Variants in SMOC1 observed in about 807,000 individuals in gnomAD.
The protein encoded by SMOC1 is SPARC-related modular calcium-binding protein 1.
SMOC1 carries 22 observed loss-of-function variants against 56.3 expected under a neutral mutation model. The ratio of observed to expected loss-of-function variants is 0.39; its 90% CI spans 0.28 to 0.56. The LOEUF (loss-of-function observed/expected upper bound fraction) is 0.56. Among genes scored for constraint, SMOC1 ranks in the 20% least tolerant of loss-of-function variants. The pLI, the probability that SMOC1 is intolerant of heterozygous loss-of-function variation, is 0.61. For missense variants in SMOC1, 509 were observed against 565.4 expected, an observed-to-expected ratio of 0.90 and a Z score of 1.01; for synonymous variants, 193 against 215.0, an observed-to-expected ratio of 0.90 and a Z score of 0.89.
At chr14:69,959,694 C>T (rs796082428) in intron 3 of SMOC1, among the ~76,000 whole-genome samples, 1 of 151,672 alleles carries the variant, frequency 6.6e-6, no homozygotes, top group South Asian at 2.1e-4. Context: ...TGCATGGATC[C>T]CTTGCATATA....
chr14:69,903,900 T>TA (rs55792587), intron 1 of SMOC1, among the ~76,000 whole-genome samples: 5,169 of 138,988 alleles, frequency 0.037, 306 homozygotes, highest in African/African-American at 0.13. Context: ...AATGATCAAT[T>TA]AAAAAAAAAA....
At chr14:69,954,854 A>C (rs1883130923) in intron 3 of SMOC1, among the ~76,000 whole-genome samples, 1 of 152,126 alleles carries the variant, frequency 6.6e-6, no homozygotes, top group Non-Finnish European at 1.5e-5. Flanking sequence ...CTTTGGTCTG[A>C]GGGGCTTCAG....
At chr14:69,915,066 C>T (rs1299055903) in intron 1 of SMOC1, among the ~76,000 whole-genome samples, 2 of 151,986 alleles carry the variant, frequency 1.3e-5, no homozygotes, top group African/African-American at 2.4e-5. Context: ...TGGGGTTTCA[C>T]CATGTTGGCC....
chr14:69,904,030 T>C (rs1874465628), intron 1 of SMOC1, among the ~76,000 whole-genome samples: 1 of 152,186 alleles, frequency 6.6e-6, no homozygotes, highest in East Asian at 1.9e-4. Flanking sequence ...CTTGCTGACC[T>C]TCCAGCTGAA....
intron 1 of SMOC1, among the ~76,000 whole-genome samples, chr14:69,892,385 G>C (rs1331062855): frequency 6.6e-6 from 1 of 152,182 alleles, no homozygotes; most frequent in East Asian, 1.9e-4. Context: ...AAGAAGATAT[G>C]CCAACTGGAA....
At chr14:69,995,149 T>C (rs1325940384) in intron 7 of SMOC1, among the ~76,000 whole-genome samples, 1 of 152,224 alleles carries the variant, frequency 6.6e-6, no homozygotes, top group Admixed American at 6.5e-5. Flanking sequence ...GAAATACCAC[T>C]CTGCATAATT....
chr14:69,882,965 C>T (rs8003374), intron 1 of SMOC1, among the ~76,000 whole-genome samples: 5,814 of 152,164 alleles, frequency 0.038, 142 homozygotes, highest in Non-Finnish European at 0.056. Flanking sequence ...GGAGATGATG[C>T]GAAGATCAAG....
chr14:69,991,598 C>T (rs1190587219), intron 5 of SMOC1, among the ~76,000 whole-genome samples: 1 of 152,186 alleles, frequency 6.6e-6, no homozygotes, highest in Non-Finnish European at 1.5e-5. Context: ...TGCAGAGGTT[C>T]TTGCTGTGCA....
chr14:69,916,493 C>T (rs567283101), intron 1 of SMOC1, among the ~76,000 whole-genome samples: 16 of 152,346 alleles, frequency 1.1e-4, no homozygotes, highest in Admixed American at 4.6e-4. Flanking sequence ...CATTTTACAG[C>T]GGCTTCCAGG....
In SMOC1 at chr14:69,884,295, G is replaced by GT. The variant is rs939372047; in HGVS notation, c.99+4524dup. Among the ~76,000 whole-genome samples the GT allele has an allele frequency of 5.9e-5, 9 of 151,784 alleles. 2 individuals carry two copies. The highest frequency in any genetic ancestry group is 2.0e-4 in the Admixed American group (3 of 15,272). ...CTTTTGCCCATTTTTTCATTGCATTGTTTTTTGTTTTTTTTGCTATTAAGT... is the reference window on the plus strand; with the variant it reads ...CTTTTGCCCATTTTTTCATTGCATTGTTTTTTTGTTTTTTTTGCTATTAAGT... On this transcript the variant is annotated intron_variant, in intron 1 of 11. Coordinates refer to ENST00000361956, the MANE Select transcript of SMOC1 (RefSeq NM_001034852.3).
At chr14:69,964,850 G>A (rs1198106922) in intron 3 of SMOC1, among the ~76,000 whole-genome samples, 1 of 152,048 alleles carries the variant, frequency 6.6e-6, no homozygotes, top group Non-Finnish European at 1.5e-5. Flanking sequence ...CTTGCCCAGG[G>A]TCTCACAGTG....
chr14:70,014,012 G>C (rs2139594321), intron 10 of SMOC1, among the ~76,000 whole-genome samples: 1 of 152,346 alleles, frequency 6.6e-6, no homozygotes, highest in Non-Finnish European at 1.5e-5. Context: ...AGCTGAGGCA[G>C]TCCTGATGTG....
chr14:69,926,998 C>A (rs975954537), intron 1 of SMOC1, among the ~76,000 whole-genome samples: 5 of 152,186 alleles, frequency 3.3e-5, no homozygotes, highest in Non-Finnish European at 5.9e-5. Flanking sequence ...CCGTGCCAGG[C>A]CCAATTCTAA....
intron 11 of SMOC1, among the ~76,000 whole-genome samples, chr14:70,028,640 T>G (rs1886019324): frequency 6.6e-6 from 1 of 152,208 alleles, no homozygotes; most frequent in Admixed American, 6.5e-5. Context: ...AGGACTGCTG[T>G]GCACCTCCTT....
chr14:69,902,333 C>T (rs1884263988), intron 1 of SMOC1, among the ~76,000 whole-genome samples: 1 of 152,174 alleles, frequency 6.6e-6, no homozygotes, highest in African/African-American at 2.4e-5. Context: ...TAAAAGCTTC[C>T]TTAAATCTCT....
chr14:70,020,011 C>T (rs1372162280), intron 10 of SMOC1, among the ~76,000 whole-genome samples: 2 of 152,092 alleles, frequency 1.3e-5, no homozygotes, highest in East Asian at 3.9e-4. Context: ...AGTAGGGAAA[C>T]TATCCCCAAA....
chr14:69,971,668 A>G (rs1883768136), intron 3 of SMOC1, among the ~76,000 whole-genome samples: 2 of 152,222 alleles, frequency 1.3e-5, no homozygotes, highest in South Asian at 4.1e-4. Context: ...TAAAAGGATA[A>G]ATCTGCAAGG....
intron 1 of SMOC1, among the ~76,000 whole-genome samples, chr14:69,938,816 C>T (rs532984772): frequency 6.6e-6 from 1 of 152,304 alleles, no homozygotes; most frequent in Non-Finnish European, 1.5e-5. Context: ...AAAACAAAGA[C>T]TTCCAGTGCT....
intron 1 of SMOC1, among the ~76,000 whole-genome samples, chr14:69,921,638 G>A (rs945955178): frequency 7.9e-5 from 12 of 152,084 alleles, no homozygotes; most frequent in Non-Finnish European, 1.8e-4. Flanking sequence ...GGAGGGTGAG[G>A]GCTGACATAA....
Sources: allele counts gnomAD v4.1 joint callset (sites outside exome capture counted in the v4.1 genomes callset), GRCh38; gene constraint gnomAD v4.1.1; transcripts MANE v1.5; gene names NCBI Gene and HGNC (gene_info 2026-07-23, HGNC 2026-07-21).